The following ROBO2 variants were observed in gnomAD, a reference collection of about 807,000 sequenced individuals.
ROBO2 encodes the protein roundabout guidance receptor 2, also known as roundabout homolog 2.
In ROBO2, 53 loss-of-function variants were observed where a neutral mutation model predicts 160.8. The ratio of observed to expected loss-of-function variants is 0.33; its 90% CI spans 0.26 to 0.41. The LOEUF (loss-of-function observed/expected upper bound fraction) is 0.41, where lower values mean the gene tolerates loss of function less well. Among genes scored for constraint, ROBO2 ranks in the 10% least tolerant of loss-of-function variants. The pLI is 1.00. For synonymous variants in ROBO2, 664 were observed against 611.7 expected, an observed-to-expected ratio of 1.09 and a Z score of -1.26; for missense variants, 1,577 against 1,722.4, an observed-to-expected ratio of 0.92 and a Z score of 1.49.
intron 2 of ROBO2, among the ~76,000 whole-genome samples, chr3:76,597,714 G>A (rs1040643922): frequency 6.6e-6 from 1 of 151,862 alleles, no homozygotes; most frequent in Non-Finnish European, 1.5e-5. Flanking sequence ...GCTTAAGCAG[G>A]CCCCAGTGTC....
chr3:76,092,689 C>T (rs1379515135), intron 2 of ROBO2, among the ~76,000 whole-genome samples: 1 of 152,124 alleles, frequency 6.6e-6, no homozygotes, highest in Non-Finnish European at 1.5e-5. Flanking sequence ...GCCTCTTCAG[C>T]TACATACTTT....
chr3:77,522,624 T>C (rs1582680478), intron 5 of ROBO2, 151 bp from the exon 6 acceptor site: 2 of 733,598 alleles, frequency 2.7e-6, no homozygotes, highest in Non-Finnish European at 2.3e-6. Context: ...ATATCTTTAA[T>C]CTAAGTAATT....
exon 1 of ROBO2, chr3:77,040,049 CCCCTCCCTCCCTCCCT>C (rs546506463): frequency 6.5e-5 from 10 of 154,804 alleles, no homozygotes; most frequent in Non-Finnish European, 9.9e-5. Context: ...CTCCGCCCGG[CCCCTCCCTCCCTCCCT>C]CCCTCCCTCG....
rs146078765 is a variant in ROBO2 at position 77,165,860 on chromosome 3, C to T, written c.388+67520C>T. ...CTCCATAGAGCTGTCTTCTTTTATC[C>T]CCAACTTTTCTATTTTTAAAAATTT... On this transcript the variant is annotated intron_variant, in intron 2 of 25. Transcript: ENST00000461745. 7.7e-3 allele frequency among the ~76,000 whole-genome samples: 1,179 copies of T among 152,174 alleles called. 17 individuals are homozygous for T. Among genetic ancestry groups the T allele is most frequent in the African/African-American group, 0.027 (1,123 of 41,498 alleles).
chr3:77,036,990 T>C (rs182043484), upstream of ROBO2, among the ~76,000 whole-genome samples: 188 of 152,248 alleles, frequency 1.2e-3, no homozygotes, highest in African/African-American at 4.4e-3. Flanking sequence ...ATATAGGCAG[T>C]GCTCACTAAA....
intron 2 of ROBO2, among the ~76,000 whole-genome samples, chr3:76,800,606 C>T (rs1356004114): frequency 6.6e-6 from 1 of 152,034 alleles, no homozygotes; most frequent in East Asian, 1.9e-4. Flanking sequence ...AAATGGCAAA[C>T]ACATGTAGAA....
At chr3:76,096,264 CATAA>C (rs1418709468) in intron 2 of ROBO2, among the ~76,000 whole-genome samples, 1 of 152,052 alleles carries the variant, frequency 6.6e-6, no homozygotes, top group African/African-American at 2.4e-5. Flanking sequence ...CTGAATGACT[CATAA>C]ATAACTTTGA....
At chr3:77,487,991 A>C (rs2085586917) in intron 4 of ROBO2, among the ~76,000 whole-genome samples, 1 of 152,194 alleles carries the variant, frequency 6.6e-6, no homozygotes, top group African/African-American at 2.4e-5. Context: ...AAGTAACTTA[A>C]GAGATACTAT....
intron 2 of ROBO2, among the ~76,000 whole-genome samples, chr3:76,892,635 C>G (rs2074437562): frequency 1.3e-5 from 2 of 152,134 alleles, no homozygotes; most frequent in Non-Finnish European, 2.9e-5. Context: ...TTCATTTTCC[C>G]TACATATCTA....
At chr3:77,589,315 A>G (rs192609628) in intron 17 of ROBO2, among the ~76,000 whole-genome samples, 97 of 152,248 alleles carry the variant, frequency 6.4e-4, no homozygotes, top group Non-Finnish European at 1.2e-3. Context: ...CATTACTTCA[A>G]TGTTCAGGAA....
intron 2 of ROBO2, among the ~76,000 whole-genome samples, chr3:76,767,683 T>C (rs578198210): frequency 6.6e-6 from 1 of 151,624 alleles, no homozygotes; most frequent in South Asian, 2.1e-4. Flanking sequence ...TGCTGTACTC[T>C]TTTTTATTAA....
chr3:76,654,897 G>T (rs2091425995), intron 2 of ROBO2, among the ~76,000 whole-genome samples: 1 of 139,742 alleles, frequency 7.2e-6, no homozygotes, highest in South Asian at 2.3e-4. Context: ...ATATGCATGT[G>T]TGTACATATG....
rs554908647 is a variant in ROBO2, at chr3:77,325,207, G to C, written c.389-152207G>C. 1.3e-4 allele frequency among the ~76,000 whole-genome samples: 20 copies of C among 152,260 alleles called. 1 individual carries two copies. In the South Asian group the frequency reaches 4.1e-3, roughly 32 times the overall value. ...TTTCAGGGAAAAAAATATATTCTCT[G>C]ATCCTGAATGTTGTGCCTACAGAGG... On this transcript the variant is annotated intron_variant, in intron 2 of 25. Coordinates refer to ENST00000461745, the Ensembl canonical transcript of ROBO2.
intron 2 of ROBO2, among the ~76,000 whole-genome samples, chr3:76,819,231 C>T (rs2109100008): frequency 6.6e-6 from 1 of 152,120 alleles, no homozygotes; most frequent in South Asian, 2.1e-4. Context: ...GAGAGGACAT[C>T]CCTATCCAAA....
At chr3:76,594,355 C>A (rs1347092547) in intron 2 of ROBO2, among the ~76,000 whole-genome samples, 1 of 151,900 alleles carries the variant, frequency 6.6e-6, no homozygotes, top group Non-Finnish European at 1.5e-5. Context: ...TATAAGACAT[C>A]ATTTAGATTT....
chr3:77,451,222 T>C (rs1418091360), intron 2 of ROBO2, among the ~76,000 whole-genome samples: 1 of 152,082 alleles, frequency 6.6e-6, no homozygotes. Context: ...AAGCAGCATT[T>C]ATAATTTCCA....
intron 23 of ROBO2, among the ~76,000 whole-genome samples, chr3:77,627,366 G>A (rs1341908626): frequency 5.9e-5 from 9 of 151,590 alleles, no homozygotes; most frequent in Non-Finnish European, 1.0e-4. Context: ...TGCAACCTCC[G>A]CCTCCCAGAT....
At chr3:76,443,068 C>T (rs547818531) in intron 2 of ROBO2, among the ~76,000 whole-genome samples, 1 of 151,652 alleles carries the variant, frequency 6.6e-6, no homozygotes, top group African/African-American at 2.4e-5. Context: ...AGGAAGCTTC[C>T]ACTCATGATG....
rs2089923745 is a variant in ROBO2, at chr3:76,630,000, G to A, written c.110-468014G>A. 2.6e-5 allele frequency among the ~76,000 whole-genome samples: 4 copies of A among 152,116 alleles called. No individual in the cohort carries two copies. In the South Asian group the frequency reaches 8.3e-4, roughly 31 times the overall value. ...ATCTCTTTTGACATAGAATCAGGTG[G>A]CACCCGTTCCCTGAGTAGTTGTTTT... On this transcript the variant is annotated intron_variant, in intron 2 of 26. Transcript: ENST00000487694.
Sources: gnomAD v4.1 joint callset for allele counts (sites outside exome capture counted in the v4.1 genomes callset) on GRCh38, gnomAD v4.1.1 for gene constraint, MANE v1.5 for transcripts, NCBI Gene and HGNC (gene_info 2026-07-23, HGNC 2026-07-21) for gene names.